KIF20B: variants seen among roughly 807,000 people sequenced by gnomAD.
The protein encoded by KIF20B is kinesin family member 20B.
A neutral mutation model predicts 232.5 loss-of-function variants in KIF20B; 188 were observed. The ratio of observed to expected loss-of-function variants is 0.81; its 90% CI spans 0.72 to 0.91. The LOEUF (loss-of-function observed/expected upper bound fraction) is 0.91, where lower values mean the gene tolerates loss of function less well. Among genes scored for constraint, KIF20B ranks in the 40% least tolerant of loss-of-function variants. KIF20B has a pLI of 0.00. For missense variants in KIF20B, 2,154 were observed against 2,055.9 expected, an observed-to-expected ratio of 1.05 and a Z score of -0.92; for synonymous variants, 712 against 683.0, an observed-to-expected ratio of 1.04 and a Z score of -0.66.
At chr10:89,708,584 T>C (rs969766304) in intron 2 of KIF20B, among the ~76,000 whole-genome samples, 6 of 152,214 alleles carry the variant, frequency 3.9e-5, no homozygotes, top group African/African-American at 1.4e-4. Flanking sequence ...TTTGTGGCAT[T>C]ATTTTGTTTG....
intron 6 of KIF20B, among the ~76,000 whole-genome samples, chr10:89,712,841 T>C (rs1159290806): frequency 1.3e-5 from 2 of 152,186 alleles, no homozygotes; most frequent in African/African-American, 2.4e-5. Flanking sequence ...CTACTAATTG[T>C]TTTTGTAAAT....
At chr10:89,752,777 A>G in intron 25 of KIF20B, 86 bp downstream of exon 25, 2 of 1,001,212 alleles carry the variant, frequency 2.0e-6, no homozygotes, top group Non-Finnish European at 2.7e-6. Flanking sequence ...TTTTATATTT[A>G]GTAATTCACT....
At chr10:89,724,894 C>T (rs1191916848) in intron 14 of KIF20B, 126 bp from the exon 15 acceptor site, 15 of 863,352 alleles carry the variant, frequency 1.7e-5, no homozygotes, top group African/African-American at 3.5e-5. Flanking sequence ...GGATTACAGG[C>T]GTGAACCACT....
intron 1 of KIF20B, among the ~76,000 whole-genome samples, chr10:89,704,722 A>AT (rs1305999657): frequency 6.6e-5 from 10 of 151,718 alleles, no homozygotes; most frequent in Admixed American, 2.0e-4. Flanking sequence ...CGCCTGGCTA[A>AT]TTTTTTTTGT....
intron 31 of KIF20B, among the ~76,000 whole-genome samples, chr10:89,770,342 T>C (rs1842438857): frequency 6.6e-6 from 1 of 151,998 alleles, no homozygotes; most frequent in East Asian, 1.9e-4. Context: ...TAAAAAAATA[T>C]GTACATTTAA....
rs1168674673 is a variant in KIF20B, at chr10:89,738,488, A to G, written c.3647A>G (p.Lys1216Arg). The G allele has an allele frequency of 1.2e-6, 2 of 1,606,682 alleles. No homozygotes were observed. Among genetic ancestry groups the G allele is most frequent in the African/African-American group, 1.3e-5 (1 of 74,512 alleles). ...CTTCAGGATTCTGTCAAAAACACCA[A>G]AGATTTAAATGTAAAGGAACTCAAG... ...EHLQDSVKNT[K>R]DLNVKELKLK... Residue 1216 changes from lysine (K) to arginine (R), a missense_variant, in exon 20 of 33, where the codon AAA (lysine) becomes AGA (arginine). Lys to Arg is a conservative substitution (Grantham distance 26, BLOSUM62 2). Coordinates refer to ENST00000371728, the MANE Select transcript of KIF20B (RefSeq NM_001284259.2).
chr10:89,746,583 T>C (rs952832771), intron 23 of KIF20B, among the ~76,000 whole-genome samples: 1 of 152,150 alleles, frequency 6.6e-6, no homozygotes. Context: ...AGGCACAGGA[T>C]GGGGGCGTGG....
At chr10:89,764,563 C>T (rs1178152825) in intron 29 of KIF20B, among the ~76,000 whole-genome samples, 2 of 152,200 alleles carry the variant, frequency 1.3e-5, no homozygotes, top group East Asian at 1.9e-4. Context: ...ACCTGTTGTT[C>T]CCTGACTTTT....
rs1374026137 is a variant in KIF20B, at chr10:89,733,038, G to A, written c.2527G>A (p.Glu843Lys). 4 of 1,613,556 alleles carry A rather than the reference G, an allele frequency of 2.5e-6. No homozygotes were observed. Among genetic ancestry groups the A allele is most frequent in the Non-Finnish European group, 3.4e-6 (4 of 1,179,696 alleles). ...RVNENELQQD[E>K]PPAKKGSIHV... ...AAATGAAAATGAACTTCAGCAAGAT[G>A]AACCACCAGCAAAGAAAGGTACTAC... Residue 843 changes from glutamate (E) to lysine (K), a missense_variant, in exon 19 of 33, where the codon GAA becomes AAA. Transcript: ENST00000371728.
chr10:89,738,128 A>C lies in KIF20B; in HGVS notation c.3287A>C (p.Lys1096Thr), dbSNP rs973425017. ...EKLQAEVKGYKDENNRLKEKE... is the reference protein window; with the variant it reads ...EKLQAEVKGYTDENNRLKEKE... Reference sequence around the variant, plus strand: ...TTGCAGGCAGAAGTAAAAGGCTATAAGGATGAAAACAATAGACTAAAGGAG... The same window carrying C: ...TTGCAGGCAGAAGTAAAAGGCTATACGGATGAAAACAATAGACTAAAGGAG... The change falls in exon 20 of 33, where the codon AAG becomes ACG. Residue 1096 changes from lysine to threonine, a missense_variant. Lys to Thr is a moderately conservative substitution (Grantham distance 78). Transcript: ENST00000371728. The C allele has an allele frequency of 6.2e-7, 1 of 1,604,538 alleles. No individual in the cohort carries two copies. Among genetic ancestry groups the C allele is most frequent in the Non-Finnish European group, 8.5e-7 (1 of 1,178,480 alleles).
At chr10:89,744,078 G>GA (rs756146879) in intron 22 of KIF20B, 151 bp downstream of exon 22, 6,237 of 498,538 alleles carry the variant, frequency 0.013, 2 homozygotes, top group Non-Finnish European at 0.014. Context: ...AGGCAAAAAA[G>GA]AAAAAAAAAA....
intron 23 of KIF20B, among the ~76,000 whole-genome samples, chr10:89,748,540 T>A (rs1234396841): frequency 2.0e-5 from 3 of 152,220 alleles, no homozygotes; most frequent in Non-Finnish European, 4.4e-5. Flanking sequence ...AGCTGACTTA[T>A]ACATTGGTGG....
At chr10:89,733,516 T>C (rs966264821) in intron 19 of KIF20B, among the ~76,000 whole-genome samples, 9 of 152,176 alleles carry the variant, frequency 5.9e-5, no homozygotes, top group Non-Finnish European at 2.9e-5. Flanking sequence ...TGATGAAAGA[T>C]AATACATGTT....
chr10:89,704,650 G>A (rs192665150), intron 1 of KIF20B, among the ~76,000 whole-genome samples: 1 of 151,920 alleles, frequency 6.6e-6, no homozygotes, highest in East Asian at 1.9e-4. Context: ...TCTGCCTCCC[G>A]GGTTCAAGCA....
At chr10:89,706,323 A>T (rs1390813728) in intron 2 of KIF20B, among the ~76,000 whole-genome samples, 1 of 152,042 alleles carries the variant, frequency 6.6e-6, no homozygotes, top group Non-Finnish European at 1.5e-5. Flanking sequence ...AGGTTGTTTC[A>T]TTAGTGTTTT....
chr10:89,755,783 A>G (rs1209663881), intron 26 of KIF20B, among the ~76,000 whole-genome samples: 1 of 152,016 alleles, frequency 6.6e-6, no homozygotes, highest in East Asian at 1.9e-4. Context: ...TTGTAGGGAC[A>G]GAGACTTGCT....
chr10:89,726,145 A>C, intron 15 of KIF20B, 148 bp from the exon 16 acceptor site: 1 of 1,042,434 alleles, frequency 9.6e-7, no homozygotes, highest in Non-Finnish European at 1.3e-6. Context: ...GGTTTTTCAT[A>C]ATTGGAGTTG....
intron 23 of KIF20B, among the ~76,000 whole-genome samples, chr10:89,750,332 T>G (rs7898670): frequency 0.31 from 47,372 of 151,954 alleles, 8,350 homozygotes; most frequent in African/African-American, 0.47. Flanking sequence ...TGAATATATT[T>G]GAAAATCATG....
chr10:89,764,093 G>GT (rs1842302453), intron 29 of KIF20B, among the ~76,000 whole-genome samples: 1 of 124,538 alleles, frequency 8.0e-6, no homozygotes, highest in African/African-American at 3.2e-5. Context: ...TCCCCTTCCT[G>GT]TGTCCATGTG....
Sources: gnomAD v4.1 joint callset for allele counts (sites outside exome capture counted in the v4.1 genomes callset) on GRCh38, gnomAD v4.1.1 for gene constraint, MANE v1.5 for transcripts, NCBI Gene and HGNC (gene_info 2026-07-23, HGNC 2026-07-21) for gene names.